SLC46A2: variants seen among roughly 807,000 people sequenced by gnomAD.
The protein encoded by SLC46A2 is solute carrier family 46 member 2.
SLC46A2 carries 25 observed loss-of-function variants against 33.1 expected under a neutral mutation model. The observed-to-expected ratio is 0.76, with a 90% CI of 0.55 to 1.06. SLC46A2 has a LOEUF of 1.06. SLC46A2 is among the 50% of genes least tolerant of loss of function. SLC46A2 has a pLI of 0.00. For synonymous variants in SLC46A2, 254 were observed against 275.9 expected, an observed-to-expected ratio of 0.92 and a Z score of 0.79; for missense variants, 622 against 621.7, an observed-to-expected ratio of 1.00 and a Z score of 0.00.
chr9:112,879,201 C>G lies in SLC46A2; in HGVS notation c.*561G>C, dbSNP rs1341687245. On this transcript the variant is annotated 3_prime_UTR_variant, in exon 4 of 4. Coordinates refer to ENST00000374228, the MANE Select transcript of SLC46A2 (RefSeq NM_033051.4). ...CCTGAGTGTTTGTAGGTAAGGAAGA[C>G]TCAGGAAAGAAAGCTGACTTTTTTC... 6 of 152,224 alleles carry G rather than the reference C, an allele frequency of 3.9e-5. No individual in the cohort carries two copies. The highest frequency in any genetic ancestry group is 1.2e-4 in the African/African-American group (5 of 41,444). 9.4% of individuals were successfully genotyped at this position (152,224 alleles called of 1,614,324 possible). A position where few individuals can be genotyped will look rare whatever the true frequency, so the allele number is the denominator to read the frequency against.
intron 1 of SLC46A2, among the ~76,000 whole-genome samples, chr9:112,888,313 GAC>G (rs1390417282): frequency 2.0e-5 from 3 of 152,046 alleles, no homozygotes; most frequent in Non-Finnish European, 4.4e-5. Context: ...CCCAAAGAGA[GAC>G]ACAGAGAGAG....
At chr9:112,883,080 C>T (rs1841600800) in intron 3 of SLC46A2, among the ~76,000 whole-genome samples, 1 of 152,138 alleles carries the variant, frequency 6.6e-6, no homozygotes, top group Non-Finnish European at 1.5e-5. Flanking sequence ...ACGGATGCAG[C>T]TAATAAGTCA....
At chr9:112,879,856 G>A (rs1412933690) in intron 3 of SLC46A2, 37 bp from the exon 4 acceptor site, 1 of 1,589,154 alleles carries the variant, frequency 6.3e-7, no homozygotes, top group African/African-American at 1.3e-5. Context: ...CAAGAGAACA[G>A]CTGGAATGGG....
rs763830737 is a variant in SLC46A2 at position 112,890,652 on chromosome 9, C to T, written c.30G>A (p.Arg10=). 8.8e-6 allele frequency: 14 copies of T among 1,599,082 alleles called. No individual in the cohort carries two copies. In the African/African-American group the frequency reaches 1.1e-4, roughly 12 times the overall value. MSPEVTCPR[R]GHLPRFHPRT... ...TCGGGTGGAAGCGAGGCAGGTGGCC[C>T]CTCCGCGGGCAGGTGACCTCGGGGC... Residue 10 remains arginine, a synonymous_variant, in exon 1 of 4, where the codon AGG becomes AGA. Transcript: ENST00000374228. This position sits in a 1 kb window ranked among gnomAD's most constrained non-coding sequence, Gnocchi z 6.0.
rs1214580805 is a variant in SLC46A2, at chr9:112,890,229, G to C, written c.453C>G (p.Ala151=). 3 of 1,613,120 alleles carry C rather than the reference G, an allele frequency of 1.9e-6. No homozygotes were observed. The African/African-American group carries it at 4.0e-5, about 21-fold the overall frequency. ...CCAGCGCCATGACCCCGGACCAGAAGGCGGAGAAGCCGCCGAATAGCCCGT... is the reference window on the plus strand; with the variant it reads ...CCAGCGCCATGACCCCGGACCAGAACGCGGAGAAGCCGCCGAATAGCCCGT... ...ALNGLFGGFS[A]FWSGVMALGS... is the part of the protein sequence containing the mutation. Residue 151 remains alanine, a synonymous_variant, in exon 1 of 4, where the codon GCC becomes GCG. Coordinates refer to ENST00000374228, the MANE Select transcript of SLC46A2 (RefSeq NM_033051.4). This position sits in a 1 kb window ranked among gnomAD's most constrained non-coding sequence, Gnocchi z 6.0.
At chr9:112,879,957 G>A (rs919239858) in intron 3 of SLC46A2, 138 bp from the exon 4 acceptor site, 13 of 695,330 alleles carry the variant, frequency 1.9e-5, no homozygotes, top group African/African-American at 1.8e-4. Context: ...AGGTGTGCTG[G>A]TGCACTGTGA....
At position 112,890,530 on chromosome 9, in the gene SLC46A2, C is replaced by T. The variant is rs773075636; in HGVS notation, c.152G>A (p.Gly51Glu). The T allele has an allele frequency of 6.2e-7, 1 of 1,614,044 alleles. No homozygotes were observed. The highest frequency in any genetic ancestry group is 2.2e-5 in the East Asian group (1 of 44,856). The change falls in exon 1 of 4, where the codon GGA becomes GAA. Residue 51 changes from glycine (G) to glutamate (E), a missense_variant. Gly to Glu is a moderately conservative substitution (Grantham distance 98). Transcript: ENST00000374228. This position sits in a 1 kb window ranked among gnomAD's most constrained non-coding sequence, Gnocchi z 6.0. ...GCTGGCACTGTGGTTGGAGGAGCCT[C>T]CGGTTCCGTAGGACGCCTTCACCAC... ...LLVVKASYGTGGSSNHSASPS... is the reference protein window; with the variant it reads ...LLVVKASYGTEGSSNHSASPS...
intron 3 of SLC46A2, among the ~76,000 whole-genome samples, chr9:112,884,160 A>G (rs1166452955): frequency 1.3e-5 from 2 of 152,238 alleles, no homozygotes; most frequent in African/African-American, 2.4e-5. Context: ...GTGGCATGAA[A>G]TCGGCTCACT....
In SLC46A2 at chr9:112,887,263, C is replaced by T; in HGVS notation, c.1213+67G>A. 2.7e-6 allele frequency: 4 copies of T among 1,458,534 alleles called. No homozygotes were observed. In the South Asian group the frequency reaches 3.6e-5, roughly 13 times the overall value. The allele number at this position is 1,458,534 out of a possible 1,614,324, so 90.3% of individuals were successfully genotyped here. A position where few individuals can be genotyped will look rare whatever the true frequency, so the allele number is the denominator to read the frequency against. On this transcript the variant is annotated intron_variant, in intron 2 of 3. Coordinates refer to ENST00000374228, the MANE Select transcript of SLC46A2 (RefSeq NM_033051.4). ...CTCAAGTGCCTTCTGCAGGTCTGTG[C>T]CTCATGCTTAGCAGCTCTGAAACAG...
Position 112,889,551 on chromosome 9 carries a change from A to G in SLC46A2, c.1129+2T>C, listed in dbSNP as rs772716159. ...CTGCCTCCTCAAGAATGACAGACTCACCAATATAGAACATGTATGTCTCTT... is the reference window on the plus strand; with the variant it reads ...CTGCCTCCTCAAGAATGACAGACTCGCCAATATAGAACATGTATGTCTCTT... On this transcript the variant is annotated splice_donor_variant, in intron 1 of 3. Coordinates refer to ENST00000374228, the MANE Select transcript of SLC46A2 (RefSeq NM_033051.4). LOFTEE classifies it high-confidence loss of function. The G allele has an allele frequency of 2.1e-5, 33 of 1,605,656 alleles. No individual in the cohort carries two copies. The East Asian group carries it at 6.3e-4, about 30-fold the overall frequency.
rs746836628 is a variant in SLC46A2, at chr9:112,890,003, G to T, written c.679C>A (p.Leu227Ile). Residue 227 changes from leucine (L) to isoleucine (I), a missense_variant, in exon 1 of 4, where the codon CTA becomes ATA. By Grantham distance (5) the Leu-to-Ile change is conservative. Transcript: ENST00000374228. This position sits in a 1 kb window ranked among gnomAD's most constrained non-coding sequence, Gnocchi z 6.0. ...TTGGCCACCGACTCAGGGACCTTTAGCACCAAAAGGCTGTAGAGCAGGGCA... is the reference window on the plus strand; with the variant it reads ...TTGGCCACCGACTCAGGGACCTTTATCACCAAAAGGCTGTAGAGCAGGGCA... ...SFALLYSLLV[L>I]KVPESVAKPS... 8 of 1,614,132 alleles carry T rather than the reference G, an allele frequency of 5.0e-6. No individual in the cohort carries two copies. Among genetic ancestry groups the T allele is most frequent in the Non-Finnish European group, 6.8e-6 (8 of 1,180,028 alleles).
At chr9:112,883,863 A>G (rs1841613441) in intron 3 of SLC46A2, among the ~76,000 whole-genome samples, 1 of 151,912 alleles carries the variant, frequency 6.6e-6, no homozygotes. Context: ...AAGCCCGGCT[A>G]ATTTTTGTAT....
At chr9:112,883,580 TATTATC>T (rs1219542685) in intron 3 of SLC46A2, among the ~76,000 whole-genome samples, 3 of 152,158 alleles carry the variant, frequency 2.0e-5, no homozygotes, top group Non-Finnish European at 4.4e-5. Flanking sequence ...AGTTTGCTGT[TATTATC>T]ATTAAAAAAA....
rs141502853 is a variant in SLC46A2, at chr9:112,882,900, C to A, written c.1371-3081G>T. On this transcript the variant is annotated intron_variant, in intron 3 of 3. Coordinates refer to ENST00000374228, the MANE Select transcript of SLC46A2 (RefSeq NM_033051.4). The stretch of plus-strand genomic sequence containing the variant: ...AGACAGCCCAGAATAGAACCCCAAA[C>A]AATTCCTACATGGGAGGTTTGTAGA... Among the ~76,000 whole-genome samples the A allele has an allele frequency of 1.1e-3, 170 of 152,236 alleles. 4 individuals are homozygous for A. Among genetic ancestry groups the A allele is most frequent in the Non-Finnish European group, 6.6e-4 (45 of 68,018 alleles).
At position 112,885,438 on chromosome 9, in the gene SLC46A2, G is replaced by GTGTA. The variant is rs1327981499; in HGVS notation, c.1370+1018_1370+1021dup. On this transcript the variant is annotated intron_variant, in intron 3 of 3. Coordinates refer to ENST00000374228, the MANE Select transcript of SLC46A2 (RefSeq NM_033051.4). ...ATTCTGTGTGTGTATATATATATATGTGTATATATATATATATATTCCTTT... is the reference window on the plus strand; with the variant it reads ...ATTCTGTGTGTGTATATATATATATGTGTATGTATATATATATATATATTCCTTT... 1.1e-4 allele frequency: 8 copies of GTGTA among 70,024 alleles called. No homozygotes were observed. In the East Asian group the frequency reaches 6.7e-3, roughly 59 times the overall value. The allele number at this position is 70,024 out of a possible 1,614,324, so 4.3% of individuals were successfully genotyped here.
chr9:112,888,145 T>A (rs1460308087), intron 1 of SLC46A2, among the ~76,000 whole-genome samples: 1 of 151,982 alleles, frequency 6.6e-6, no homozygotes, highest in Non-Finnish European at 1.5e-5. Context: ...GGTGTGGTGG[T>A]GCATGCCTAT....
In SLC46A2 at chr9:112,879,684, C is replaced by A. The variant is rs28679756; in HGVS notation, c.*78G>T. ...CTTAAGCAGTGGGTTGCTTAGGTCA[C>A]CAGTTCCCTGGTCCCTTCTTTTGTC... On this transcript the variant is annotated 3_prime_UTR_variant, in exon 4 of 4. Coordinates refer to ENST00000374228, the MANE Select transcript of SLC46A2 (RefSeq NM_033051.4). 2 of 1,399,372 alleles carry A rather than the reference C, an allele frequency of 1.4e-6. No homozygotes were observed. The highest frequency in any genetic ancestry group is 2.8e-5 in the African/African-American group (2 of 70,590). The allele number at this position is 1,399,372 out of a possible 1,614,324, so 86.7% of individuals were successfully genotyped here. A position where few individuals can be genotyped will look rare whatever the true frequency, so the allele number is the denominator to read the frequency against.
In SLC46A2 at chr9:112,889,689, G is replaced by T. The variant is rs1476921590; in HGVS notation, c.993C>A (p.Phe331Leu). 5 of 1,613,988 alleles carry T rather than the reference G, an allele frequency of 3.1e-6. No individual in the cohort carries two copies. Among genetic ancestry groups the T allele is most frequent in the Non-Finnish European group, 4.2e-6 (5 of 1,179,994 alleles). ...GYGMAAGYTI[F>L]ITSFLGVLVF... The stretch of plus-strand genomic sequence containing the variant: ...CCAGGACACCCAGGAAGCTGGTGAT[G>T]AAGATGGTGTACCCTGCAGCCATAC... Residue 331 changes from phenylalanine to leucine, a missense_variant, in exon 1 of 4, where the codon TTC (phenylalanine) becomes TTA (leucine). By Grantham distance (22) the Phe-to-Leu change is conservative. Coordinates refer to ENST00000374228, the MANE Select transcript of SLC46A2 (RefSeq NM_033051.4).
chr9:112,884,099 G>C (rs1841615595), intron 3 of SLC46A2, among the ~76,000 whole-genome samples: 1 of 152,180 alleles, frequency 6.6e-6, no homozygotes, highest in African/African-American at 2.4e-5. Flanking sequence ...TATTTCCTCA[G>C]CATCTCCCTA....
Sources: allele counts gnomAD v4.1 joint callset (sites outside exome capture counted in the v4.1 genomes callset), GRCh38; gene constraint gnomAD v4.1.1; non-coding constraint Gnocchi (gnomAD v3.1); transcripts MANE v1.5; gene names NCBI Gene and HGNC (gene_info 2026-07-23, HGNC 2026-07-21).